Variants in CELF4 observed in about 807,000 individuals in gnomAD.
The protein encoded by CELF4 is CUG-BP- and ETR-3-like factor 4.
Under a neutral mutation model 59.9 loss-of-function variants are expected in CELF4, and 18 were observed. The ratio of observed to expected loss-of-function variants is 0.30; its 90% confidence interval spans 0.21 to 0.45. The LOEUF (loss-of-function observed/expected upper bound fraction) is 0.45, where lower values mean the gene tolerates loss of function less well. Among genes scored for constraint, CELF4 ranks in the 20% least tolerant of loss-of-function variants. The probability of loss-of-function intolerance (pLI) is 1.00; values close to 1 mark genes in which losing one functional copy is unlikely to be tolerated. For missense variants in CELF4, 456 were observed against 689.0 expected (o/e 0.66, Z 3.79); for synonymous variants, 261 against 267.1 (o/e 0.98, Z 0.22).
In CELF4 at chr18:37,375,256, G is replaced by T. The variant is rs189815241; in HGVS notation, c.370-53375C>A. On this transcript the variant is annotated intron_variant, in intron 2 of 12. Coordinates refer to ENST00000420428, the MANE Select transcript of CELF4 (RefSeq NM_020180.4). ...CCTGGCAAACAAATGAATTGCAAAG[G>T]TAACTTTGTGTGTTGGGAGGGGGGC... is the stretch of plus-strand genomic sequence containing the variant. 3.2e-3 allele frequency among the ~76,000 whole-genome samples: 486 copies of T among 152,292 alleles called. 1 individual carries two copies. Among genetic ancestry groups the T allele is most frequent in the Non-Finnish European group, 5.0e-3 (343 of 68,006 alleles).
chr18:37,270,974 G>GA (rs1313401916), intron 7 of CELF4, 57 bp from the exon 8 acceptor site: 31 of 1,447,340 alleles, frequency 2.1e-5, no homozygotes, highest in Non-Finnish European at 2.9e-5. Flanking sequence ...GAACAAAGGT[G>GA]AGGAAGGCCC....
intron 3 of CELF4, among the ~76,000 whole-genome samples, chr18:37,303,536 C>T (rs1173932512): frequency 3.3e-5 from 5 of 152,106 alleles, no homozygotes; most frequent in South Asian, 4.2e-4. Flanking sequence ...AAATGAGAAT[C>T]GGGGAGAGCT....
chr18:37,488,870 C>G (rs980345769), intron 1 of CELF4, among the ~76,000 whole-genome samples: 10 of 152,200 alleles, frequency 6.6e-5, no homozygotes, highest in African/African-American at 2.4e-4. Context: ...GTGAGAGAAG[C>G]CCAGGAGAGC....
At chr18:37,275,513 G>A (rs1255567779) in intron 3 of CELF4, 1 of 471,092 alleles carries the variant, frequency 2.1e-6, no homozygotes. Context: ...CTGGATCGCA[G>A]CGACTCGGCC....
intron 3 of CELF4, among the ~76,000 whole-genome samples, chr18:37,280,434 G>C (rs1448156702): frequency 6.6e-6 from 1 of 152,204 alleles, no homozygotes; most frequent in African/African-American, 2.4e-5. Context: ...GCATGGCTCT[G>C]AGATCCCTGG....
chr18:37,545,533 C>T (rs1057152606), intron 1 of CELF4, among the ~76,000 whole-genome samples: 7 of 152,122 alleles, frequency 4.6e-5, no homozygotes, highest in African/African-American at 1.7e-4. Flanking sequence ...GAAGGACAGG[C>T]CCAGGAGAGC....
intron 2 of CELF4, among the ~76,000 whole-genome samples, chr18:37,380,149 C>T (rs1306159711): frequency 6.6e-6 from 1 of 152,170 alleles, no homozygotes; most frequent in East Asian, 1.9e-4. Context: ...ACTCCCAATG[C>T]TGTTGTGATT....
intron 3 of CELF4, among the ~76,000 whole-genome samples, chr18:37,299,484 C>T (rs375835249): frequency 2.4e-4 from 37 of 152,082 alleles, no homozygotes; most frequent in African/African-American, 7.7e-4. Context: ...CCTTGGGCCA[C>T]GTGGAACCCT....
At chr18:37,312,207 G>A (rs1285196252) in intron 3 of CELF4, among the ~76,000 whole-genome samples, 1 of 146,050 alleles carries the variant, frequency 6.8e-6, no homozygotes, top group Non-Finnish European at 1.5e-5. Context: ...TGTGATCTAG[G>A]GAACCTAATG....
At chr18:37,409,412 G>T (rs1009443421) in intron 2 of CELF4, among the ~76,000 whole-genome samples, 2 of 152,150 alleles carry the variant, frequency 1.3e-5, no homozygotes, top group African/African-American at 4.8e-5. Flanking sequence ...TGTGGGGGAG[G>T]GTTGGGCAGA....
intron 3 of CELF4, among the ~76,000 whole-genome samples, chr18:37,317,018 T>C (rs979880160): frequency 6.6e-6 from 1 of 152,232 alleles, no homozygotes; most frequent in African/African-American, 2.4e-5. Flanking sequence ...ACAAGTTATC[T>C]AGCCTCTCTG....
chr18:37,545,465 T>C (rs1390307346), intron 1 of CELF4, among the ~76,000 whole-genome samples: 1 of 152,086 alleles, frequency 6.6e-6, no homozygotes, highest in African/African-American at 2.4e-5. Context: ...GCAAAGAGAA[T>C]AAAAACATCT....
intron 6 of CELF4, chr18:37,273,459 T>C (rs370429965): frequency 8.1e-6 from 9 of 1,108,076 alleles, no homozygotes; most frequent in East Asian, 1.1e-4. Context: ...CAGCCCTGTG[T>C]ACAGCCTGTC....
chr18:37,265,221 G>A (rs368039206), intron 9 of CELF4, among the ~76,000 whole-genome samples: 7 of 152,046 alleles, frequency 4.6e-5, no homozygotes, highest in African/African-American at 7.2e-5. Context: ...GTGTGTGTAC[G>A]TGTGTGCGCG....
At chr18:37,423,356 CG>C in intron 2 of CELF4, among the ~76,000 whole-genome samples, 1 of 152,126 alleles carries the variant, frequency 6.6e-6, no homozygotes, top group Non-Finnish European at 1.5e-5. Context: ...GCTGACTCCT[CG>C]GGGGACTGGC....
chr18:37,267,675 A>G (rs765432508), intron 8 of CELF4, among the ~76,000 whole-genome samples: 4 of 152,194 alleles, frequency 2.6e-5, no homozygotes, highest in African/African-American at 7.2e-5. Flanking sequence ...CCTTTAGTCT[A>G]GGGAGAGTGC....
At chr18:37,366,257 A>G (rs2098781358) in intron 2 of CELF4, among the ~76,000 whole-genome samples, 1 of 152,200 alleles carries the variant, frequency 6.6e-6, no homozygotes. Context: ...GAAAGCTGCT[A>G]TAGCACAGAG....
At chr18:37,344,387 G>C (rs1293375174) in intron 2 of CELF4, among the ~76,000 whole-genome samples, 1 of 152,258 alleles carries the variant, frequency 6.6e-6, no homozygotes, top group Non-Finnish European at 1.5e-5. Flanking sequence ...CACAGCACTG[G>C]GGTGCCACGG....
chr18:37,538,114 C>T (rs1436939806), intron 1 of CELF4, among the ~76,000 whole-genome samples: 1 of 152,196 alleles, frequency 6.6e-6, no homozygotes, highest in Non-Finnish European at 1.5e-5. Context: ...GCGGACCTTC[C>T]GGGAGGCCAG....
Sources: allele counts gnomAD v4.1 joint callset (sites outside exome capture counted in the v4.1 genomes callset), GRCh38; gene constraint gnomAD v4.1.1; transcripts MANE v1.5; gene names NCBI Gene and HGNC (gene_info 2026-07-23, HGNC 2026-07-21).